The following MSI2 variants were observed in gnomAD, a reference collection of about 807,000 sequenced individuals.
MSI2 encodes musashi RNA binding protein 2.
MSI2 carries 17 observed loss-of-function variants against 45.6 expected under a neutral mutation model. The ratio of observed to expected loss-of-function variants is 0.37; its 90% confidence interval spans 0.26 to 0.56. MSI2 has a LOEUF of 0.56. Among genes scored for constraint, MSI2 ranks in the 20% least tolerant of loss-of-function variants. The pLI, the probability that MSI2 is intolerant of heterozygous loss-of-function variation, is 0.77. For synonymous variants in MSI2, 156 were observed against 158.2 expected, an observed-to-expected ratio of 0.99 and a Z score of 0.11; for missense variants, 293 against 444.2, an observed-to-expected ratio of 0.66 and a Z score of 3.06.
the MSI2 span, among the ~76,000 whole-genome samples, chr17:57,695,855 T>C: frequency 9.2e-5 from 14 of 152,350 alleles, no homozygotes; most frequent in Non-Finnish European, 1.6e-4. Context: ...TCTTCCTGGC[T>C]TGTAGATGAC....
intron 5 of MSI2, among the ~76,000 whole-genome samples, chr17:57,350,089 A>G (rs971101877): frequency 6.6e-6 from 1 of 152,184 alleles, no homozygotes; most frequent in African/African-American, 2.4e-5. Context: ...GAACCACTTT[A>G]TATTAAGTAA....
intron 6 of MSI2, among the ~76,000 whole-genome samples, chr17:57,507,225 CTGTGTG>C (rs71140002): frequency 0.033 from 1,696 of 51,108 alleles, 87 homozygotes; most frequent in African/African-American, 0.055. Flanking sequence ...CTTTGTCTCT[CTGTGTG>C]TGTGTGTGTG....
chr17:57,502,602 G>GATATAT (rs57142800), intron 6 of MSI2, among the ~76,000 whole-genome samples: 3,899 of 54,084 alleles, frequency 0.072, 367 homozygotes, highest in South Asian at 0.096. Context: ...ATGACTCTGA[G>GATATAT]ATATATATAT....
At chr17:57,445,771 G>A (rs1420373051) in intron 6 of MSI2, among the ~76,000 whole-genome samples, 1 of 152,120 alleles carries the variant, frequency 6.6e-6, no homozygotes, top group African/African-American at 2.4e-5. Context: ...GTGTTCCCCG[G>A]AGGTGTCTCC....
intron 6 of MSI2, among the ~76,000 whole-genome samples, chr17:57,417,662 C>T (rs765394015): frequency 7.6e-4 from 116 of 152,118 alleles, no homozygotes; most frequent in Non-Finnish European, 1.0e-3. Flanking sequence ...CAGGGTGTCT[C>T]AGTTATAATT....
chr17:57,413,360 T>C (rs1415354725), intron 6 of MSI2, among the ~76,000 whole-genome samples: 1 of 149,884 alleles, frequency 6.7e-6, no homozygotes, highest in Non-Finnish European at 1.5e-5. Flanking sequence ...TCGAGTTCCA[T>C]CCGGCTACCC....
At chr17:57,260,931 C>G (rs563287165) in intron 4 of MSI2, among the ~76,000 whole-genome samples, 19 of 151,912 alleles carry the variant, frequency 1.3e-4, no homozygotes, top group Non-Finnish European at 1.2e-4. Flanking sequence ...TCCCCTGCTC[C>G]TTCTCATGGC....
At chr17:57,490,272 C>T (rs2332932) in intron 6 of MSI2, among the ~76,000 whole-genome samples, 59,550 of 152,116 alleles carry the variant, frequency 0.39, 14,437 homozygotes, top group African/African-American at 0.68. Context: ...TTTTAGGCCC[C>T]ACAGAGATCT....
At chr17:57,543,596 T>C (rs1598384789) in intron 7 of MSI2, among the ~76,000 whole-genome samples, 3 of 152,230 alleles carry the variant, frequency 2.0e-5, no homozygotes, top group African/African-American at 7.2e-5. Flanking sequence ...TTTAATTAAG[T>C]TGATTCATTT....
chr17:57,516,173 C>G (rs1395215891), intron 6 of MSI2, among the ~76,000 whole-genome samples: 1 of 152,186 alleles, frequency 6.6e-6, no homozygotes, highest in Non-Finnish European at 1.5e-5. Context: ...CCCCAACAAA[C>G]TCCTTGTGTT....
chr17:57,529,588 TA>T lies in MSI2; in HGVS notation c.406-87del. The T allele has an allele frequency of 5.0e-6, 6 of 1,206,960 alleles. No individual in the cohort carries two copies. The highest frequency in any genetic ancestry group is 7.3e-6 in the Non-Finnish European group (6 of 825,854). 74.8% of individuals were successfully genotyped at this position (1,206,960 alleles called of 1,614,324 possible). On this transcript the variant is annotated intron_variant, in intron 6 of 13. Transcript: ENST00000284073. The surrounding 1 kb of genome is among the most constrained non-coding windows in gnomAD (Gnocchi z 5.3). The stretch of plus-strand genomic sequence containing the variant: ...CAACTATTACTTCTGTAATGGAAAC[TA>T]CCCCCTCACCCCCCGACATGCATAT...
intron 7 of MSI2, among the ~76,000 whole-genome samples, chr17:57,544,913 A>G (rs1157592509): frequency 1.3e-5 from 2 of 152,212 alleles, no homozygotes; most frequent in Admixed American, 1.3e-4. Flanking sequence ...TTTGTAAAAT[A>G]CTATGCCTCA....
chr17:57,421,543 TC>T (rs1555602119), intron 6 of MSI2, among the ~76,000 whole-genome samples: 1 of 64,374 alleles, frequency 1.6e-5, no homozygotes, highest in South Asian at 7.9e-4. Flanking sequence ...CCATTCATTC[TC>T]CTCCTCCTCC....
At chr17:57,603,084 G>A (rs532325597) in intron 8 of MSI2, among the ~76,000 whole-genome samples, 1 of 152,270 alleles carries the variant, frequency 6.6e-6, no homozygotes, top group East Asian at 1.9e-4. Context: ...CCTGGCACCT[G>A]GACCTCCAGG....
intron 7 of MSI2, among the ~76,000 whole-genome samples, chr17:57,573,400 A>G (rs1192700681): frequency 6.6e-6 from 1 of 152,132 alleles, no homozygotes; most frequent in East Asian, 1.9e-4. Context: ...TGGGATTTCC[A>G]TTTTTCAGAT....
intron 5 of MSI2, among the ~76,000 whole-genome samples, chr17:57,318,590 C>G (rs1913061527): frequency 6.7e-6 from 1 of 150,280 alleles, no homozygotes; most frequent in South Asian, 2.1e-4. Context: ...AGCTTGAAGG[C>G]AGAGGGTGCT....
rs902310788 is a variant in MSI2, at chr17:57,596,093, G to C, written c.455-775G>C. ...ACTTACTGAGTGGGGTCACAGATGG[G>C]GCCACATGCTGGAAACGCTGTCGGA... On this transcript the variant is annotated intron_variant, in intron 7 of 13. Coordinates refer to ENST00000284073, the MANE Select transcript of MSI2 (RefSeq NM_138962.4). This position sits in a 1 kb window ranked among gnomAD's most constrained non-coding sequence, Gnocchi z 4.6. 6.6e-6 allele frequency among the ~76,000 whole-genome samples: 1 copy of C among 152,196 alleles called. No individual in the cohort carries two copies. Among genetic ancestry groups the C allele is most frequent in the Non-Finnish European group, 1.5e-5 (1 of 68,034 alleles).
At chr17:57,614,546 T>C (rs1349536394) in intron 8 of MSI2, among the ~76,000 whole-genome samples, 1 of 152,170 alleles carries the variant, frequency 6.6e-6, no homozygotes, top group African/African-American at 2.4e-5. Flanking sequence ...TCTTGTCTTT[T>C]CTCCGTCATT....
rs1383495069 is a variant in MSI2 at position 57,492,272 on chromosome 17, A to G, written c.406-37404A>G. Among the ~76,000 whole-genome samples the G allele has an allele frequency of 3.9e-5, 6 of 152,234 alleles. 1 individual carries two copies. The East Asian group carries it at 9.6e-4, about 24-fold the overall frequency. The stretch of plus-strand genomic sequence containing the variant: ...TGAGTACCGAAGGTGATGGACAAGT[A>G]AAAATCAGGACGGCATAAATTACTC... On this transcript the variant is annotated intron_variant, in intron 6 of 13. Coordinates refer to ENST00000284073, the MANE Select transcript of MSI2 (RefSeq NM_138962.4).
Sources: allele counts gnomAD v4.1 joint callset (sites outside exome capture counted in the v4.1 genomes callset), GRCh38; gene constraint gnomAD v4.1.1; non-coding constraint Gnocchi (gnomAD v3.1); transcripts MANE v1.5; gene names NCBI Gene and HGNC (gene_info 2026-07-23, HGNC 2026-07-21).